The following ZMIZ2 variants were observed in gnomAD, a reference collection of about 807,000 sequenced individuals.
ZMIZ2 encodes zinc finger MIZ domain-containing protein 2.
ZMIZ2 carries 26 observed loss-of-function variants against 93.9 expected under a neutral mutation model. That is an observed-to-expected ratio of 0.28 (90% CI 0.20 to 0.38). The LOEUF (loss-of-function observed/expected upper bound fraction) is 0.38. Ranked by LOEUF, ZMIZ2 falls within the 10% of genes least tolerant of loss-of-function variation. ZMIZ2 has a pLI of 1.00. For missense variants in ZMIZ2, 1,023 were observed against 1,235.0 expected (o/e 0.83, Z 2.57); for synonymous variants, 485 against 516.4 (o/e 0.94, Z 0.82).
rs1247684049 is a variant in ZMIZ2, at chr7:44,756,121, C to T, written c.-62-67C>T. The stretch of plus-strand genomic sequence containing the variant: ...GGTGGGGCCTGCTGGCACCGGGGTC[C>T]CTCCACCCTGCTGAAAGGGTCTCCT... On this transcript the variant is annotated intron_variant, in intron 1 of 18. Transcript: ENST00000309315. The T allele has an allele frequency of 1.3e-5, 17 of 1,324,146 alleles. No homozygotes were observed. The East Asian group carries it at 3.9e-4, about 30-fold the overall frequency. The allele number at this position is 1,324,146 out of a possible 1,614,324, so 82.0% of individuals were successfully genotyped here.
In ZMIZ2 at chr7:44,763,361, C is replaced by T; in HGVS notation, c.1808C>T (p.Thr603Ile). The change falls in exon 13 of 19, where the codon ACC (threonine) becomes ATC (isoleucine). Residue 603 changes from threonine (T) to isoleucine (I), a missense_variant. Around this residue, in one of 3 missense-constraint regions of ZMIZ2, gnomAD observed 48 missense variants for 99.1 expected, o/e 0.48. Transcript: ENST00000309315. This position sits in a 1 kb window ranked among gnomAD's most constrained non-coding sequence, Gnocchi z 5.6. ...AIKVSLKCPI[T>I]FRRIQLPARG... ...AAGGTGTCCCTGAAGTGCCCCATCACCTTCCGCAGGATCCAGCTCCCTGCC... is the reference window on the plus strand; with the variant it reads ...AAGGTGTCCCTGAAGTGCCCCATCATCTTCCGCAGGATCCAGCTCCCTGCC... The T allele has an allele frequency of 1.2e-6, 2 of 1,614,158 alleles. No homozygotes were observed. Among genetic ancestry groups the T allele is most frequent in the Non-Finnish European group, 1.7e-6 (2 of 1,180,030 alleles).
Position 44,763,113 on chromosome 7 carries a change from C to T in ZMIZ2, c.1702+127C>T. On this transcript the variant is annotated intron_variant, in intron 12 of 18. Coordinates refer to ENST00000309315, the MANE Select transcript of ZMIZ2 (RefSeq NM_031449.4). The surrounding 1 kb of genome is among the most constrained non-coding windows in gnomAD (Gnocchi z 5.6). Reference sequence around the variant, plus strand: ...CCTTCTCCTTGGACAGGTGGCTCTGCAGTAGGGGCAGTGGTTAGTTCCAGG... The same window carrying T: ...CCTTCTCCTTGGACAGGTGGCTCTGTAGTAGGGGCAGTGGTTAGTTCCAGG... The T allele has an allele frequency of 3.5e-6, 5 of 1,427,884 alleles. No individual in the cohort carries two copies. The highest frequency in any genetic ancestry group is 4.8e-6 in the Non-Finnish European group (5 of 1,038,284). 88.5% of individuals were successfully genotyped at this position (1,427,884 alleles called of 1,614,324 possible).
rs1209843235 is a variant in ZMIZ2 at position 44,762,954 on chromosome 7, G to T, written c.1670G>T (p.Arg557Leu). The change falls in exon 12 of 19, where the codon CGC becomes CTC. Residue 557 changes from arginine to leucine, a missense_variant. Physicochemically the swap from Arg to Leu is moderately radical, Grantham distance 102. Around this residue, in one of 3 missense-constraint regions of ZMIZ2, gnomAD observed 656 missense variants for 777.1 expected, o/e 0.84. Coordinates refer to ENST00000309315, the MANE Select transcript of ZMIZ2 (RefSeq NM_031449.4). ...RSVLQGLLKK[R>L]LLPAEHCITK... ...GTGCTGCAGGGCCTCCTCAAAAAGC[G>T]CCTCCTGCCTGCTGAGCACTGCATC... 1 of 1,613,482 alleles carries T rather than the reference G, an allele frequency of 6.2e-7. No homozygotes were observed. The highest frequency in any genetic ancestry group is 8.5e-7 in the Non-Finnish European group (1 of 1,179,660).
intron 14 of ZMIZ2, 63 bp from the exon 15 acceptor site, chr7:44,764,876 CAG>C: frequency 6.4e-7 from 1 of 1,555,482 alleles, no homozygotes; most frequent in Non-Finnish European, 8.8e-7. Context: ...TGAGAAATGA[CAG>C]GGCCTGTGCC....
intron 14 of ZMIZ2, 44 bp from the exon 15 acceptor site, chr7:44,764,897 G>C: frequency 5.0e-6 from 8 of 1,607,116 alleles, no homozygotes; most frequent in Non-Finnish European, 6.8e-6. Context: ...CCCAGGACAG[G>C]GTTGTGCAAG....
At position 44,764,969 on chromosome 7, in the gene ZMIZ2, G is replaced by A; in HGVS notation, c.1957G>A (p.Val653Met). 1 of 1,614,216 alleles carries A rather than the reference G, an allele frequency of 6.2e-7. No homozygotes were observed. The highest frequency in any genetic ancestry group is 8.5e-7 in the Non-Finnish European group (1 of 1,180,022). The change falls in exon 15 of 19, where the codon GTG becomes ATG. Residue 653 changes from valine to methionine, a missense_variant. By Grantham distance (21) the Val-to-Met change is conservative. Transcript: ENST00000309315. ...GACAGCTTTGCTGGAGGGCCTGGAG[G>A]TGGACCAGTACATGCTGGGCATCCT... ...NKTALLEGLE[V>M]DQYMLGILIY...
rs558923233 is a variant in ZMIZ2 at position 44,757,051 on chromosome 7, A to G, written c.270A>G (p.Gly90=). The part of the protein sequence containing the change: ...SSALTSPQCL[G]QQAFAEGGAN... Reference sequence around the variant, plus strand: ...CCTTGACCTCCCCACAGTGCCTGGGACAGCAGGCGTTTGCTGAAGGCGGCG... The same window carrying G: ...CCTTGACCTCCCCACAGTGCCTGGGGCAGCAGGCGTTTGCTGAAGGCGGCG... Residue 90 remains glycine, a synonymous_variant, in exon 4 of 19, where the codon GGA becomes GGG. Coordinates refer to ENST00000309315, the MANE Select transcript of ZMIZ2 (RefSeq NM_031449.4). The G allele has an allele frequency of 6.2e-7, 1 of 1,610,136 alleles. No homozygotes were observed. Among genetic ancestry groups the G allele is most frequent in the South Asian group, 1.1e-5 (1 of 90,874 alleles).
rs757563512 is a variant in ZMIZ2, at chr7:44,762,958, C to T, written c.1674C>T (p.Leu558=). Residue 558 remains leucine, a synonymous_variant, in exon 12 of 19, where the codon CTC becomes CTT. Coordinates refer to ENST00000309315, the MANE Select transcript of ZMIZ2 (RefSeq NM_031449.4). The part of the protein sequence containing the change: ...SVLQGLLKKR[L]LPAEHCITKI... Reference sequence around the variant, plus strand: ...TGCAGGGCCTCCTCAAAAAGCGCCTCCTGCCTGCTGAGCACTGCATCACCA... The same window carrying T: ...TGCAGGGCCTCCTCAAAAAGCGCCTTCTGCCTGCTGAGCACTGCATCACCA... 5.0e-6 allele frequency: 8 copies of T among 1,613,508 alleles called. No homozygotes were observed. The highest frequency in any genetic ancestry group is 6.8e-6 in the Non-Finnish European group (8 of 1,179,716).
chr7:44,762,063 A>T, intron 11 of ZMIZ2, 158 bp downstream of exon 11: 1 of 998,386 alleles, frequency 1.0e-6, no homozygotes, highest in Non-Finnish European at 1.4e-6. Context: ...GGCCTGCAGC[A>T]CCATCAGATC....
chr7:44,757,008 T>C lies in ZMIZ2; in HGVS notation c.227T>C (p.Val76Ala), dbSNP rs1790653805. 1.9e-6 allele frequency: 3 copies of C among 1,612,494 alleles called. No homozygotes were observed. Among genetic ancestry groups the C allele is most frequent in the Non-Finnish European group, 2.5e-6 (3 of 1,179,496 alleles). ...TCTGGCAGCTCCATGATGCCTGGTG[T>C]GGCAGGGGGCAGCTCCGCCTTGACC... is the stretch of plus-strand genomic sequence containing the variant. ...SPSGSSMMPG[V>A]AGGSSALTSP... Residue 76 changes from valine (V) to alanine (A), a missense_variant, in exon 4 of 19, where the codon GTG (valine) becomes GCG (alanine). By Grantham distance (64) the Val-to-Ala change is moderately conservative. This residue lies in a region of ZMIZ2 where 656 missense variants were observed against 777.1 expected (regional missense o/e 0.84). Transcript: ENST00000309315.
chr7:44,765,853 C>T lies in ZMIZ2; in HGVS notation c.2242+274C>T. On this transcript the variant is annotated intron_variant, in intron 16 of 18. Transcript: ENST00000309315. This position sits in a 1 kb window ranked among gnomAD's most constrained non-coding sequence, Gnocchi z 4.1. ...TGGATTAAGGGGCTCCTGGCTGGAACACCTCACAGGACTGGCCCCATCTGG... is the reference window on the plus strand; with the variant it reads ...TGGATTAAGGGGCTCCTGGCTGGAATACCTCACAGGACTGGCCCCATCTGG... 8.5e-7 allele frequency: 1 copy of T among 1,174,982 alleles called. No homozygotes were observed. The highest frequency in any genetic ancestry group is 1.2e-6 in the Non-Finnish European group (1 of 868,818). 72.8% of individuals were successfully genotyped at this position (1,174,982 alleles called of 1,614,324 possible).
chr7:44,758,002 G>A lies in ZMIZ2; in HGVS notation c.707G>A (p.Gly236Glu), dbSNP rs1790766517. Residue 236 changes from glycine to glutamate, a missense_variant, in exon 6 of 19, where the codon GGA (glycine) becomes GAA (glutamate). This residue lies in a region of ZMIZ2 where 656 missense variants were observed against 777.1 expected (regional missense o/e 0.84). Coordinates refer to ENST00000309315, the MANE Select transcript of ZMIZ2 (RefSeq NM_031449.4). ...GCTATGAACCCCACCCGGGCAGCAG[G>A]AATGACACCCTTGTATGCAGGGCAG... ...PLAMNPTRAA[G>E]MTPLYAGQRL... is the part of the protein sequence containing the mutation. The A allele has an allele frequency of 1.2e-6, 2 of 1,612,452 alleles. No individual in the cohort carries two copies. The highest frequency in any genetic ancestry group is 1.7e-5 in the Admixed American group (1 of 59,904).
chr7:44,762,825 G>T (rs1315276103), intron 11 of ZMIZ2, 56 bp from the exon 12 acceptor site: 3 of 1,480,472 alleles, frequency 2.0e-6, no homozygotes, highest in Admixed American at 1.9e-5. Flanking sequence ...CCTTTACCTG[G>T]CCAGGGTGGC....
rs759251425 is a variant in ZMIZ2, at chr7:44,765,330, C to T, written c.1998-5C>T. ...GGTAACCATTCCCCACCTGTCCCTG[C>T]CCAGCTCTGACTATGAGGAGATCAC... On this transcript the variant is annotated splice_region_variant and splice_polypyrimidine_tract_variant and intron_variant, in intron 15 of 18. Coordinates refer to ENST00000309315, the MANE Select transcript of ZMIZ2 (RefSeq NM_031449.4). This position sits in a 1 kb window ranked among gnomAD's most constrained non-coding sequence, Gnocchi z 4.1. 4 of 1,612,836 alleles carry T rather than the reference C, an allele frequency of 2.5e-6. No individual in the cohort carries two copies. The highest frequency in any genetic ancestry group is 2.7e-5 in the African/African-American group (2 of 75,026).
In ZMIZ2 at chr7:44,758,045, G is replaced by T. The variant is rs1406129918; in HGVS notation, c.750G>T (p.Gly250=). 29 of 1,609,080 alleles carry T rather than the reference G, an allele frequency of 1.8e-5. No homozygotes were observed. The highest frequency in any genetic ancestry group is 2.5e-5 in the Non-Finnish European group (29 of 1,177,860). The change falls in exon 6 of 19, where the codon GGG becomes GGT. Residue 250 remains glycine, a synonymous_variant. Coordinates refer to ENST00000309315, the MANE Select transcript of ZMIZ2 (RefSeq NM_031449.4). ...CAGGGCAGCGTCTGCCCCAACATGG[G>T]TATCCTGGGCCTCCCCAGGCCCAGC... ...LYAGQRLPQH[G]YPGPPQAQPL... is the part of the protein sequence containing the mutation.
chr7:44,762,167 C>A (rs1358929364), intron 11 of ZMIZ2, among the ~76,000 whole-genome samples: 3 of 152,228 alleles, frequency 2.0e-5, no homozygotes, highest in Non-Finnish European at 4.4e-5. Context: ...TTTATTATTT[C>A]AGAAAAATGC....
Position 44,765,030 on chromosome 7 carries a change from A to G in ZMIZ2, c.1997+21A>G, listed in dbSNP as rs1791561402. The stretch of plus-strand genomic sequence containing the variant: ...CAGAAGTAAGCATCCTCTTCCTGTG[A>G]TCCCTGCATCTGTGGCCACTGGAGG... On this transcript the variant is annotated intron_variant, in intron 15 of 18. Transcript: ENST00000309315. The surrounding 1 kb of genome is among the most constrained non-coding windows in gnomAD (Gnocchi z 4.1). 6.2e-7 allele frequency: 1 copy of G among 1,613,818 alleles called. No individual in the cohort carries two copies. Among genetic ancestry groups the G allele is most frequent in the South Asian group, 1.1e-5 (1 of 91,088 alleles).
intron 1 of ZMIZ2, among the ~76,000 whole-genome samples, chr7:44,749,554 C>A (rs1330565139): frequency 6.6e-6 from 1 of 152,198 alleles, no homozygotes; most frequent in Non-Finnish European, 1.5e-5. Flanking sequence ...GATGGGGACA[C>A]CCCTTTCCAA....
Position 44,765,758 on chromosome 7 carries a change from CG to C in ZMIZ2, c.2242+181del. On this transcript the variant is annotated intron_variant, in intron 16 of 18. Transcript: ENST00000309315. This position sits in a 1 kb window ranked among gnomAD's most constrained non-coding sequence, Gnocchi z 4.1. ...AGCCCCTCCCATCTCAGGGACGTGGCGGTGAAGGCACAGTCTCAGCTATGGT... is the reference window on the plus strand; with the variant it reads ...AGCCCCTCCCATCTCAGGGACGTGGCGTGAAGGCACAGTCTCAGCTATGGT... 9.3e-7 allele frequency: 1 copy of C among 1,074,386 alleles called. No homozygotes were observed. Among genetic ancestry groups the C allele is most frequent in the East Asian group, 2.6e-5 (1 of 38,162 alleles). The allele number at this position is 1,074,386 out of a possible 1,614,324, so 66.6% of individuals were successfully genotyped here.
Sources: allele counts gnomAD v4.1 joint callset (sites outside exome capture counted in the v4.1 genomes callset), GRCh38; gene constraint gnomAD v4.1.1; regional missense constraint gnomAD v4.1.1; non-coding constraint Gnocchi (gnomAD v3.1); transcripts MANE v1.5; gene names NCBI Gene and HGNC (gene_info 2026-07-23, HGNC 2026-07-21).